The following SLC26A9 variants were observed in gnomAD, a reference collection of about 807,000 sequenced individuals.
SLC26A9 encodes the protein solute carrier family 26 member 9, also known as anion transporter/exchanger protein 9.
Under a neutral mutation model 87.1 loss-of-function variants are expected in SLC26A9, and 46 were observed. That is an observed-to-expected ratio of 0.53 (90% CI 0.42 to 0.67). The LOEUF (loss-of-function observed/expected upper bound fraction) is 0.67, where lower values mean the gene tolerates loss of function less well. Among genes scored for constraint, SLC26A9 ranks in the 30% least tolerant of loss-of-function variants. The pLI is 0.00. For missense variants in SLC26A9, 927 were observed against 1,018.3 expected, an observed-to-expected ratio of 0.91 and a Z score of 1.22; for synonymous variants, 437 against 409.1, an observed-to-expected ratio of 1.07 and a Z score of -0.82.
chr1:205,925,148 T>C (rs7366893), intron 12 of SLC26A9, among the ~76,000 whole-genome samples: 136,117 of 152,226 alleles, frequency 0.89, 60,851 homozygotes, highest in Admixed American at 0.92. Context: ...TAATGCCTAC[T>C]TCATGAAAGG....
intron 12 of SLC26A9, 93 bp downstream of exon 12, chr1:205,926,442 G>A: frequency 9.6e-7 from 1 of 1,039,416 alleles, no homozygotes; most frequent in East Asian, 2.4e-5. Flanking sequence ...CAGCAGACTA[G>A]AGGGTTCATT....
rs765219649 is a variant in SLC26A9 at position 205,915,401 on chromosome 1, T to A, written c.2332A>T (p.Met778Leu). The A allele has an allele frequency of 1.1e-5, 18 of 1,613,542 alleles. No homozygotes were observed. Among genetic ancestry groups the A allele is most frequent in the Non-Finnish European group, 1.4e-5 (17 of 1,179,940 alleles). ...IRSYWDLEQE[M>L]FGSMFHAETL... The stretch of plus-strand genomic sequence containing the variant: ...TCTGCGTGAAACATGCTCCCGAACA[T>A]CTCCTGCAGGAACCACAGGAAGGAA... Residue 778 changes from methionine to leucine, a missense_variant, in exon 21 of 21, where the codon ATG becomes TTG. Met to Leu is a conservative substitution (Grantham distance 15, BLOSUM62 2). Transcript: ENST00000367135.
intron 5 of SLC26A9, 59 bp from the exon 6 acceptor site, chr1:205,930,115 C>A (rs542014603): frequency 1.6e-5 from 24 of 1,525,832 alleles, no homozygotes; most frequent in Non-Finnish European, 2.0e-5. Flanking sequence ...GCAGTTCCAA[C>A]GACCCGCCCC....
intron 12 of SLC26A9, among the ~76,000 whole-genome samples, chr1:205,925,835 G>A (rs1659040493): frequency 6.6e-6 from 1 of 152,238 alleles, no homozygotes; most frequent in South Asian, 2.1e-4. Flanking sequence ...CTTAAATGGA[G>A]AGAAGGCAGT....
chr1:205,928,782 G>A (rs1217485319), intron 8 of SLC26A9, 45 bp downstream of exon 8: 2 of 1,585,646 alleles, frequency 1.3e-6, no homozygotes, highest in Admixed American at 3.3e-5. Context: ...CCTTAGTGGG[G>A]CATGAGGTGC....
Position 205,923,207 on chromosome 1 carries a change from G to A in SLC26A9, c.1660-12C>T, listed in dbSNP as rs1377477107. The A allele has an allele frequency of 4.3e-6, 7 of 1,613,782 alleles. No homozygotes were observed. The highest frequency in any genetic ancestry group is 1.6e-4 in the Middle Eastern group (1 of 6,062). The stretch of plus-strand genomic sequence containing the variant: ...GGGTCCATGCCTGTCTGCAGGGAGA[G>A]AGCCAACAGCAATCTTGACCTCCAC... On this transcript the variant is annotated splice_polypyrimidine_tract_variant and intron_variant, in intron 15 of 20. Coordinates refer to ENST00000367135, the MANE Select transcript of SLC26A9 (RefSeq NM_052934.4).
chr1:205,925,016 A>G (rs1361205811), intron 12 of SLC26A9, among the ~76,000 whole-genome samples: 1 of 152,134 alleles, frequency 6.6e-6, no homozygotes, highest in Non-Finnish European at 1.5e-5. Context: ...CTGACCTTGA[A>G]ATCCTGACTT....
chr1:205,936,098 A>T (rs1179626647), intron 1 of SLC26A9, among the ~76,000 whole-genome samples: 1 of 151,944 alleles, frequency 6.6e-6, no homozygotes, highest in Non-Finnish European at 1.5e-5. Flanking sequence ...GGCACTCCAC[A>T]CCTGTGGCGT....
chr1:205,937,595 A>G (rs554848193), intron 1 of SLC26A9, among the ~76,000 whole-genome samples: 3 of 152,326 alleles, frequency 2.0e-5, no homozygotes, highest in East Asian at 3.9e-4. Context: ...GGCACCCAGT[A>G]AATGGTAGTG....
intron 19 of SLC26A9, among the ~76,000 whole-genome samples, chr1:205,917,611 T>C (rs1658649154): frequency 6.6e-6 from 1 of 152,094 alleles, no homozygotes; most frequent in Non-Finnish European, 1.5e-5. Context: ...TTTACTCAGC[T>C]TAGAAAAACT....
Position 205,938,364 on chromosome 1 carries a change from A to G in SLC26A9, c.-18-2526T>C, listed in dbSNP as rs903062103. Among the ~76,000 whole-genome samples the G allele has an allele frequency of 4.6e-5, 7 of 151,244 alleles. No homozygotes were observed. The East Asian group carries it at 1.2e-3, about 25-fold the overall frequency. On this transcript the variant is annotated intron_variant, in intron 1 of 20. Transcript: ENST00000367135. ...TGCCTCCCTCTTCAAGTCTTATCTC[A>G]TGTTTGGACTATTGCAAAAATTGAT...
At chr1:205,931,620 C>T (rs953228433) in intron 5 of SLC26A9, among the ~76,000 whole-genome samples, 2 of 152,022 alleles carry the variant, frequency 1.3e-5, no homozygotes, top group African/African-American at 2.4e-5. Context: ...GCGCATACTA[C>T]CAAGCCTGGA....
chr1:205,920,350 C>A, intron 17 of SLC26A9, 120 bp from the exon 18 acceptor site: 1 of 1,182,344 alleles, frequency 8.5e-7, no homozygotes, highest in Non-Finnish European at 1.2e-6. Flanking sequence ...CCTGAGAGCC[C>A]AGCAGCCAAA....
Position 205,922,994 on chromosome 1 carries a change from G to A in SLC26A9, c.1773+88C>T, listed in dbSNP as rs935373590. ...GTCTTTGCCTGTCAGGGTGGGAAGC[G>A]GGGCCCCCAGGGTACCATGAGTAAC... On this transcript the variant is annotated intron_variant, in intron 16 of 20. Coordinates refer to ENST00000367135, the MANE Select transcript of SLC26A9 (RefSeq NM_052934.4). The A allele has an allele frequency of 4.9e-5, 63 of 1,277,210 alleles. No homozygotes were observed. The African/African-American group carries it at 6.1e-4, about 12-fold the overall frequency. The allele number at this position is 1,277,210 out of a possible 1,614,324, so 79.1% of individuals were successfully genotyped here. A position where few individuals can be genotyped will look rare whatever the true frequency, so the allele number is the denominator to read the frequency against.
chr1:205,926,351 T>C (rs1659066231), intron 12 of SLC26A9, among the ~76,000 whole-genome samples, 184 bp downstream of exon 12: 1 of 152,220 alleles, frequency 6.6e-6, no homozygotes, highest in South Asian at 2.1e-4. Context: ...AGCCAGCAGA[T>C]GGCTGAGTTA....
rs781507869 is a variant in SLC26A9 at position 205,927,597 on chromosome 1, G to A, written c.1110C>T (p.Ile370=). Residue 370 remains isoleucine, a synonymous_variant, in exon 10 of 21, where the codon ATC becomes ATT. Transcript: ENST00000367135. ...CAAAGAAGTTGCTGCAGCCGAGAGC[G>A]ATCATCTCCTGCAGGGAGGGGACAG... ...GYDVDSNQEM[I]ALGCSNFFGS... 1.4e-5 allele frequency: 23 copies of A among 1,613,330 alleles called. No individual in the cohort carries two copies. Among genetic ancestry groups the A allele is most frequent in the Admixed American group, 1.0e-4 (6 of 59,926 alleles).
chr1:205,928,906 C>T lies in SLC26A9; in HGVS notation c.874G>A (p.Val292Met). Residue 292 changes from valine to methionine, a missense_variant, in exon 8 of 21, where the codon GTG becomes ATG. By Grantham distance (21) the Val-to-Met change is conservative. Coordinates refer to ENST00000367135, the MANE Select transcript of SLC26A9 (RefSeq NM_052934.4). The part of the protein sequence containing the change: ...FPIPTEMIVV[V>M]VATAISGGCK... The stretch of plus-strand genomic sequence containing the variant: ...CCCCCGGAGATAGCTGTTGCCACCA[C>T]CACCTGCAAACCCCAGAGTGGAGAA... 1 of 1,614,152 alleles carries T rather than the reference C, an allele frequency of 6.2e-7. No individual in the cohort carries two copies. The highest frequency in any genetic ancestry group is 8.5e-7 in the Non-Finnish European group (1 of 1,180,020).
intron 6 of SLC26A9, 50 bp downstream of exon 6, chr1:205,929,842 G>A: frequency 6.5e-7 from 1 of 1,539,366 alleles, no homozygotes; most frequent in South Asian, 1.2e-5. Context: ...TCCTCCTCAT[G>A]TGTCTGCTGG....
intron 12 of SLC26A9, 138 bp downstream of exon 12, chr1:205,926,397 G>T: frequency 1.4e-6 from 1 of 723,590 alleles, no homozygotes. Flanking sequence ...TCGAAACTCG[G>T]ACTTTTAACC....
Sources: gnomAD v4.1 joint callset for allele counts (sites outside exome capture counted in the v4.1 genomes callset) on GRCh38, gnomAD v4.1.1 for gene constraint, MANE v1.5 for transcripts, NCBI Gene and HGNC (gene_info 2026-07-23, HGNC 2026-07-21) for gene names.